ABLIM1: variants seen among roughly 807,000 people sequenced by gnomAD.
ABLIM1 encodes the protein actin-binding LIM protein 1.
A neutral mutation model predicts 107.0 loss-of-function variants in ABLIM1; 40 were observed. The ratio of observed to expected loss-of-function variants is 0.37; its 90% CI spans 0.29 to 0.49. The LOEUF (loss-of-function observed/expected upper bound fraction) is 0.49, where lower values mean the gene tolerates loss of function less well. Ranked by LOEUF, ABLIM1 falls within the 20% of genes least tolerant of loss-of-function variation. The pLI is 0.97. For missense variants in ABLIM1, 857 were observed against 1,008.5 expected, an observed-to-expected ratio of 0.85 and a Z score of 2.04; for synonymous variants, 357 against 357.3, an observed-to-expected ratio of 1.00 and a Z score of 0.01.
At chr10:114,505,043 G>T (rs1436715516) in intron 6 of ABLIM1, among the ~76,000 whole-genome samples, 1 of 152,174 alleles carries the variant, frequency 6.6e-6, no homozygotes, top group Non-Finnish European at 1.5e-5. Flanking sequence ...TCAGGAAGTT[G>T]GACCCCAGAG....
intron 1 of ABLIM1, among the ~76,000 whole-genome samples, chr10:114,642,074 T>C (rs2078779803): frequency 6.6e-6 from 1 of 152,064 alleles, no homozygotes; most frequent in South Asian, 2.1e-4. Context: ...TTTTTTTTTT[T>C]TGTAGTGACA....
intron 1 of ABLIM1, among the ~76,000 whole-genome samples, chr10:114,758,940 C>T (rs1163619953): frequency 6.6e-6 from 1 of 152,030 alleles, no homozygotes; most frequent in African/African-American, 2.4e-5. Flanking sequence ...GAAGAAAGGA[C>T]TAATTGTGTT....
chr10:114,603,006 T>C (rs2076138546), intron 1 of ABLIM1, among the ~76,000 whole-genome samples: 1 of 152,328 alleles, frequency 6.6e-6, no homozygotes, highest in East Asian at 1.9e-4. Context: ...AATTCCTTTT[T>C]TGATGTGGGG....
chr10:114,540,452 C>T (rs975111342), intron 6 of ABLIM1, among the ~76,000 whole-genome samples: 2 of 152,140 alleles, frequency 1.3e-5, no homozygotes, highest in African/African-American at 2.4e-5. Flanking sequence ...CGCTGGTGCT[C>T]GGGCCCGTCT....
intron 1 of ABLIM1, among the ~76,000 whole-genome samples, chr10:114,613,044 C>A (rs1464270050): frequency 6.6e-6 from 1 of 152,222 alleles, no homozygotes; most frequent in East Asian, 1.9e-4. Context: ...AGTCTCCCAG[C>A]TGTCCTTGCC....
At chr10:114,713,179 T>C (rs557049455) in intron 1 of ABLIM1, among the ~76,000 whole-genome samples, 4 of 152,300 alleles carry the variant, frequency 2.6e-5, no homozygotes, top group East Asian at 1.9e-4. Flanking sequence ...TATCCTGGTA[T>C]GAGAAAATGC....
chr10:114,583,814 G>A (rs1331589947), intron 2 of ABLIM1, among the ~76,000 whole-genome samples: 1 of 151,960 alleles, frequency 6.6e-6, no homozygotes, highest in Non-Finnish European at 1.5e-5. Context: ...CATGTCCTCC[G>A]TAGCAACATG....
At chr10:114,596,206 A>G (rs749417691) in intron 2 of ABLIM1, among the ~76,000 whole-genome samples, 5 of 152,016 alleles carry the variant, frequency 3.3e-5, no homozygotes, top group Non-Finnish European at 5.9e-5. Context: ...GGCTCTCCCC[A>G]TCTCCATTCT....
chr10:114,486,399 TGGG>T (rs2058191313), intron 8 of ABLIM1, among the ~76,000 whole-genome samples: 1 of 152,168 alleles, frequency 6.6e-6, no homozygotes, highest in Non-Finnish European at 1.5e-5. Context: ...CTATAGCTAC[TGGG>T]GTGGTTTCTG....
intron 1 of ABLIM1, among the ~76,000 whole-genome samples, chr10:114,759,953 C>T (rs2082709958): frequency 1.3e-5 from 2 of 152,140 alleles, no homozygotes; most frequent in Admixed American, 6.6e-5. Context: ...AAATGTGAGC[C>T]ATAAATGTCG....
intron 1 of ABLIM1, chr10:114,631,925 G>A (rs550799548): frequency 1.5e-6 from 2 of 1,304,404 alleles, no homozygotes; most frequent in Admixed American, 2.3e-5. Context: ...CATGGCAACC[G>A]GGTCCTCCGA....
At position 114,547,785 on chromosome 10, in the gene ABLIM1, G is replaced by T. The variant is rs1405039168; in HGVS notation, c.674-9C>A. On this transcript the variant is annotated splice_polypyrimidine_tract_variant and intron_variant, in intron 4 of 22. Coordinates refer to ENST00000533213, the MANE Select transcript of ABLIM1 (RefSeq NM_002313.7). ...TCCGCAGCCGGCACAATCTGAAAAAGAGCAGCCGCCAGTGGTTACTACACA... is the reference window on the plus strand; with the variant it reads ...TCCGCAGCCGGCACAATCTGAAAAATAGCAGCCGCCAGTGGTTACTACACA... The T allele has an allele frequency of 6.2e-7, 1 of 1,606,384 alleles. No homozygotes were observed.
intron 4 of ABLIM1, among the ~76,000 whole-genome samples, chr10:114,557,671 G>GTTT (rs61108195): frequency 3.3e-3 from 238 of 72,090 alleles, no homozygotes; most frequent in African/African-American, 6.2e-3. Context: ...ATAGTGAGGT[G>GTTT]TTTTTTTTTT....
At chr10:114,603,999 A>C (rs2076235501) in intron 1 of ABLIM1, among the ~76,000 whole-genome samples, 1 of 151,946 alleles carries the variant, frequency 6.6e-6, no homozygotes, top group African/African-American at 2.4e-5. Context: ...ATCTGCCTTA[A>C]GTCCTTGTGT....
chr10:114,680,697 A>G (rs1591814644), intron 1 of ABLIM1, among the ~76,000 whole-genome samples: 2 of 152,290 alleles, frequency 1.3e-5, no homozygotes. Flanking sequence ...GCTTTCTAAC[A>G]TCTTTAGATG....
chr10:114,604,958 G>GC (rs1267274787), intron 1 of ABLIM1, among the ~76,000 whole-genome samples: 1 of 152,218 alleles, frequency 6.6e-6, no homozygotes, highest in Non-Finnish European at 1.5e-5. Context: ...ACTGGGATCA[G>GC]CATCTGCATT....
At chr10:114,526,835 G>A in intron 6 of ABLIM1, 1 of 985,394 alleles carries the variant, frequency 1.0e-6, no homozygotes, top group Non-Finnish European at 1.2e-6. Flanking sequence ...TCCGAAGCTC[G>A]GCTAAGGCAA....
At chr10:114,769,218 AC>A (rs1485377309), upstream of ABLIM1, among the ~76,000 whole-genome samples, 1 of 146,470 alleles carries the variant, frequency 6.8e-6, no homozygotes, top group Non-Finnish European at 1.5e-5. Flanking sequence ...GGCCTTGGTG[AC>A]CGGTGCTTGT....
At position 114,431,242 on chromosome 10, in the gene ABLIM1, G is replaced by C. The variant is rs2058821318; in HGVS notation, c.*5018C>G. ...GCAGGTAGGGATCACAGGCACAGCAGCGCGGAGCCGGCAGGGCCACCTCCT... is the reference window on the plus strand; with the variant it reads ...GCAGGTAGGGATCACAGGCACAGCACCGCGGAGCCGGCAGGGCCACCTCCT... On this transcript the variant is annotated 3_prime_UTR_variant, in exon 23 of 23. Transcript: ENST00000533213. The C allele has an allele frequency of 6.6e-6, 1 of 151,204 alleles. No individual in the cohort carries two copies. The highest frequency in any genetic ancestry group is 2.4e-5 in the African/African-American group (1 of 41,020). 9.4% of individuals were successfully genotyped at this position (151,204 alleles called of 1,614,324 possible).
Sources: allele counts gnomAD v4.1 joint callset (sites outside exome capture counted in the v4.1 genomes callset), GRCh38; gene constraint gnomAD v4.1.1; transcripts MANE v1.5; gene names NCBI Gene and HGNC (gene_info 2026-07-23, HGNC 2026-07-21).